The following LIMD1 variants were observed in gnomAD, a reference collection of about 807,000 sequenced individuals.
The protein encoded by LIMD1 is LIM domain-containing protein 1.
In LIMD1, 23 loss-of-function variants were observed where a neutral mutation model predicts 58.4. The observed-to-expected ratio is 0.39, with a 90% CI of 0.28 to 0.56. The LOEUF is 0.56. Ranked by LOEUF, LIMD1 falls within the 20% of genes least tolerant of loss-of-function variation. The pLI, the probability that LIMD1 is intolerant of heterozygous loss-of-function variation, is 0.57. For synonymous variants in LIMD1, 334 were observed against 345.5 expected, an observed-to-expected ratio of 0.97 and a Z score of 0.37; for missense variants, 838 against 855.5, an observed-to-expected ratio of 0.98 and a Z score of 0.25.
At chr3:45,667,670 A>G (rs1480173209) in intron 3 of LIMD1, among the ~76,000 whole-genome samples, 1 of 151,878 alleles carries the variant, frequency 6.6e-6, no homozygotes, top group Admixed American at 6.6e-5. Flanking sequence ...GAAGCTAACT[A>G]TAAAAGGCAT....
chr3:45,612,595 T>TG (rs1701536217), intron 1 of LIMD1, among the ~76,000 whole-genome samples: 2 of 152,222 alleles, frequency 1.3e-5, no homozygotes, highest in Non-Finnish European at 2.9e-5. Flanking sequence ...TTTTGACAGA[T>TG]GCATGCACCT....
intron 7 of LIMD1, among the ~76,000 whole-genome samples, chr3:45,676,633 T>G (rs991433330): frequency 1.3e-5 from 2 of 152,242 alleles, no homozygotes; most frequent in African/African-American, 4.8e-5. Flanking sequence ...GGACATGATC[T>G]CATTCCTTTT....
chr3:45,649,915 G>T (rs1296767521), intron 2 of LIMD1, among the ~76,000 whole-genome samples: 1 of 105,922 alleles, frequency 9.4e-6, no homozygotes, highest in Non-Finnish European at 1.8e-5. Flanking sequence ...TCTATTCTCT[G>T]TATGTGACAT....
intron 6 of LIMD1, 160 bp downstream of exon 6, chr3:45,673,665 C>T: frequency 3.3e-6 from 2 of 603,050 alleles, no homozygotes; most frequent in South Asian, 3.4e-5. Flanking sequence ...GTAATCCCAC[C>T]CCTTTTAGGA....
intron 2 of LIMD1, among the ~76,000 whole-genome samples, chr3:45,645,743 C>G (rs906048033): frequency 2.0e-5 from 3 of 152,178 alleles, no homozygotes; most frequent in Non-Finnish European, 4.4e-5. Context: ...GTGGCCCTCT[C>G]ATCTCACTGA....
At chr3:45,630,699 C>T (rs564659838) in intron 1 of LIMD1, among the ~76,000 whole-genome samples, 7 of 151,836 alleles carry the variant, frequency 4.6e-5, no homozygotes, top group African/African-American at 1.5e-4. Flanking sequence ...GAGGAAGGAG[C>T]TCCCCTCATG....
intron 1 of LIMD1, among the ~76,000 whole-genome samples, chr3:45,608,738 G>A (rs986604380): frequency 2.0e-5 from 3 of 151,586 alleles, no homozygotes; most frequent in African/African-American, 7.3e-5. Context: ...TACTCGGGAG[G>A]CTGAGGCAGG....
At chr3:45,597,722 G>C (rs1466537307) in intron 1 of LIMD1, among the ~76,000 whole-genome samples, 1 of 152,214 alleles carries the variant, frequency 6.6e-6, no homozygotes, top group Non-Finnish European at 1.5e-5. Context: ...CAGGGACAGG[G>C]AAGGCCCTGG....
In LIMD1 at chr3:45,594,838, CA is replaced by C; in HGVS notation, c.-41del. 1 of 1,272,748 alleles carries C rather than the reference CA, an allele frequency of 7.9e-7. No individual in the cohort carries two copies. Among genetic ancestry groups the C allele is most frequent in the South Asian group, 1.3e-5 (1 of 74,956 alleles). The allele number at this position is 1,272,748 out of a possible 1,614,324, so 78.8% of individuals were successfully genotyped here. A position where few individuals can be genotyped will look rare whatever the true frequency, so the allele number is the denominator to read the frequency against. On this transcript the variant is annotated 5_prime_UTR_variant, in exon 1 of 8. Coordinates refer to ENST00000273317, the MANE Select transcript of LIMD1 (RefSeq NM_014240.3). ...ACACACACACACACACACACACACACACACACGGCACCTGGGCTAGGCCCGG... is the reference window on the plus strand; with the variant it reads ...ACACACACACACACACACACACACACCACACGGCACCTGGGCTAGGCCCGG...
chr3:45,598,199 C>T (rs911531427), intron 1 of LIMD1, among the ~76,000 whole-genome samples: 1 of 152,158 alleles, frequency 6.6e-6, no homozygotes, highest in African/African-American at 2.4e-5. Flanking sequence ...AGTGATCTTC[C>T]TGCCTCAGCC....
At chr3:45,614,195 A>AT (rs890655327) in intron 1 of LIMD1, among the ~76,000 whole-genome samples, 13 of 152,150 alleles carry the variant, frequency 8.5e-5, no homozygotes, top group Admixed American at 2.6e-4. Flanking sequence ...TTTAAAAAAC[A>AT]TTTTTTTGTT....
chr3:45,643,654 G>C (rs1053063198), intron 2 of LIMD1, among the ~76,000 whole-genome samples: 5 of 152,192 alleles, frequency 3.3e-5, no homozygotes, highest in African/African-American at 4.8e-5. Flanking sequence ...GGTGATATGA[G>C]ACGGAAAATG....
At chr3:45,654,770 A>G (rs1575361261) in intron 2 of LIMD1, among the ~76,000 whole-genome samples, 2 of 143,804 alleles carry the variant, frequency 1.4e-5, no homozygotes, top group Admixed American at 1.4e-4. Flanking sequence ...AGGAGATTGC[A>G]CCACTGCACT....
intron 3 of LIMD1, 57 bp downstream of exon 3, chr3:45,665,774 G>C: frequency 6.8e-7 from 1 of 1,470,672 alleles, no homozygotes; most frequent in South Asian, 1.2e-5. Flanking sequence ...AGAGGGCAGG[G>C]GCCTGGGGGG....
chr3:45,628,278 T>C (rs1437111268), intron 1 of LIMD1, among the ~76,000 whole-genome samples: 1 of 152,050 alleles, frequency 6.6e-6, no homozygotes, highest in Non-Finnish European at 1.5e-5. Flanking sequence ...AAGCAATATC[T>C]GATAAAGAAC....
intron 1 of LIMD1, among the ~76,000 whole-genome samples, chr3:45,633,898 C>T (rs74672668): frequency 6.6e-6 from 1 of 152,094 alleles, no homozygotes; most frequent in Non-Finnish European, 1.5e-5. Context: ...GGCTTTCTAC[C>T]CTGTGGGCAG....
rs6441927 is a variant in LIMD1 at position 45,678,153 on chromosome 3, G to T, written c.*1094G>T. 6,340 of 152,664 alleles carry T rather than the reference G, an allele frequency of 0.042. 150 individuals are homozygous for T. The highest frequency in any genetic ancestry group is 0.068 in the African/African-American group (2,823 of 41,518). 9.5% of individuals were successfully genotyped at this position (152,664 alleles called of 1,614,324 possible). A position where few individuals can be genotyped will look rare whatever the true frequency, so the allele number is the denominator to read the frequency against. On this transcript the variant is annotated 3_prime_UTR_variant, in exon 8 of 8. Coordinates refer to ENST00000273317, the MANE Select transcript of LIMD1 (RefSeq NM_014240.3). ...CAGGCATTATGTTTGAAGAAACCAG[G>T]ATAAGGTACACTGCTTTTGTCTGTT... is the stretch of plus-strand genomic sequence containing the variant.
intron 2 of LIMD1, among the ~76,000 whole-genome samples, chr3:45,658,891 G>A (rs998909469): frequency 3.9e-5 from 6 of 152,032 alleles, no homozygotes; most frequent in African/African-American, 9.7e-5. Flanking sequence ...ACTCAGAGGC[G>A]TTGCCACTCA....
intron 2 of LIMD1, among the ~76,000 whole-genome samples, chr3:45,662,464 A>G (rs984542636): frequency 7.9e-5 from 12 of 152,372 alleles, no homozygotes; most frequent in African/African-American, 2.6e-4. Context: ...ACTGGAAAGT[A>G]CTATAGGAAA....
Sources: allele counts gnomAD v4.1 joint callset (sites outside exome capture counted in the v4.1 genomes callset), GRCh38; gene constraint gnomAD v4.1.1; transcripts MANE v1.5; gene names NCBI Gene and HGNC (gene_info 2026-07-23, HGNC 2026-07-21).